FOXP2: variants seen among roughly 807,000 people sequenced by gnomAD.
The protein encoded by FOXP2 is forkhead box P2, also known as forkhead box protein P2.
Under a neutral mutation model 115.8 loss-of-function variants are expected in FOXP2, and 12 were observed. The ratio of observed to expected loss-of-function variants is 0.10; its 90% CI spans 0.07 to 0.17. The LOEUF (loss-of-function observed/expected upper bound fraction) is 0.17, where lower values mean the gene tolerates loss of function less well. Ranked by LOEUF, FOXP2 falls within the 10% of genes least tolerant of loss-of-function variation. FOXP2 has a pLI of 1.00. For synonymous variants in FOXP2, 328 were observed against 297.7 expected, an observed-to-expected ratio of 1.10 and a Z score of -1.05; for missense variants, 629 against 843.5, an observed-to-expected ratio of 0.75 and a Z score of 3.15.
chr7:114,593,199 A>C (rs1802525803), intron 3 of FOXP2, among the ~76,000 whole-genome samples: 1 of 151,946 alleles, frequency 6.6e-6, no homozygotes, highest in African/African-American at 2.4e-5. Flanking sequence ...CTCTTTTTAA[A>C]ACTTCAGTTT....
At chr7:114,152,969 G>A (rs1441868496) in intron 1 of FOXP2, among the ~76,000 whole-genome samples, 1 of 152,112 alleles carries the variant, frequency 6.6e-6, no homozygotes, top group Non-Finnish European at 1.5e-5. Flanking sequence ...ATGCCTGTGG[G>A]ATCTTAACCT....
At chr7:114,585,776 A>C (rs572043756) in intron 3 of FOXP2, among the ~76,000 whole-genome samples, 1 of 152,166 alleles carries the variant, frequency 6.6e-6, no homozygotes, top group Non-Finnish European at 1.5e-5. Flanking sequence ...CTGAAGTGGG[A>C]GAATCTCTTT....
At chr7:114,532,051 T>C (rs1799166836) in intron 2 of FOXP2, among the ~76,000 whole-genome samples, 1 of 151,928 alleles carries the variant, frequency 6.6e-6, no homozygotes, top group South Asian at 2.1e-4. Context: ...TTCAATCAAC[T>C]CATCCTAGTA....
intron 1 of FOXP2, among the ~76,000 whole-genome samples, chr7:114,155,261 A>T (rs780010395): frequency 1.5e-4 from 23 of 152,066 alleles, no homozygotes; most frequent in Non-Finnish European, 2.8e-4. Context: ...CCATGATGGG[A>T]AGGGGGATCA....
intron 1 of FOXP2, among the ~76,000 whole-genome samples, chr7:114,116,109 T>C (rs1791401061): frequency 6.6e-6 from 1 of 152,174 alleles, no homozygotes; most frequent in South Asian, 2.1e-4. Context: ...GTAGCTCATG[T>C]AAAACCTGGA....
At chr7:114,655,083 C>T (rs757205930) in intron 10 of FOXP2, among the ~76,000 whole-genome samples, 5 of 152,072 alleles carry the variant, frequency 3.3e-5, no homozygotes, top group Non-Finnish European at 5.9e-5. Flanking sequence ...TTGAATCTGA[C>T]ATACTACTTT....
chr7:114,223,824 T>C (rs1372155343), intron 1 of FOXP2, among the ~76,000 whole-genome samples: 1 of 151,786 alleles, frequency 6.6e-6, no homozygotes, highest in African/African-American at 2.4e-5. Flanking sequence ...AATTTAATTT[T>C]AATTTAGTTT....
chr7:114,616,453 A>G lies in FOXP2; in HGVS notation c.259-12087A>G, dbSNP rs184817697. Among the ~76,000 whole-genome samples the G allele has an allele frequency of 2.4e-3, 360 of 152,242 alleles. 1 individual carries two copies. Among genetic ancestry groups the G allele is most frequent in the African/African-American group, 7.9e-3 (327 of 41,546 alleles). ...GCTGGGATTACAGATGTGAGCCACCATGCCTGGCCTACAATAGGTGATTAA... is the reference window on the plus strand; with the variant it reads ...GCTGGGATTACAGATGTGAGCCACCGTGCCTGGCCTACAATAGGTGATTAA... On this transcript the variant is annotated intron_variant, in intron 3 of 16. Coordinates refer to ENST00000350908, the MANE Select transcript of FOXP2 (RefSeq NM_014491.4).
chr7:114,663,540 T>C, intron 15 of FOXP2, 21 bp downstream of exon 15: 1 of 1,597,698 alleles, frequency 6.3e-7, no homozygotes, highest in South Asian at 1.1e-5. Context: ...TTCCCAGTTT[T>C]GTTGTATTTG....
intron 1 of FOXP2, among the ~76,000 whole-genome samples, chr7:114,229,931 T>TA (rs944758207): frequency 4.0e-5 from 6 of 151,528 alleles, no homozygotes; most frequent in African/African-American, 7.3e-5. Flanking sequence ...AAAAGCAATT[T>TA]AAAAAAATCA....
intron 2 of FOXP2, among the ~76,000 whole-genome samples, chr7:114,517,107 T>C (rs1430206839): frequency 6.6e-6 from 1 of 152,170 alleles, no homozygotes; most frequent in East Asian, 1.9e-4. Flanking sequence ...ATGAGTGATG[T>C]TGAGCATTTT....
chr7:114,259,527 C>T (rs1795695607), intron 1 of FOXP2, among the ~76,000 whole-genome samples: 1 of 152,054 alleles, frequency 6.6e-6, no homozygotes. Flanking sequence ...TCTTATTAGC[C>T]GTTGTTTACA....
chr7:114,539,207 G>T (rs1407386041), intron 3 of FOXP2, among the ~76,000 whole-genome samples: 1 of 151,800 alleles, frequency 6.6e-6, no homozygotes, highest in East Asian at 1.9e-4. Flanking sequence ...TTTATAATTT[G>T]TAAAATATTC....
upstream of FOXP2, among the ~76,000 whole-genome samples, chr7:114,158,321 A>G (rs114640864): frequency 2.8e-3 from 425 of 152,202 alleles, 4 homozygotes; most frequent in African/African-American, 9.7e-3. Context: ...GGAGTGGTCC[A>G]TGTCCTTTAC....
At chr7:114,097,735 T>A (rs1386167398) in intron 1 of FOXP2, among the ~76,000 whole-genome samples, 2 of 152,208 alleles carry the variant, frequency 1.3e-5, no homozygotes, top group Non-Finnish European at 2.9e-5. Flanking sequence ...AGGTGTTTGT[T>A]TTTCAAGTCA....
At chr7:114,215,118 G>A (rs940630648) in intron 1 of FOXP2, among the ~76,000 whole-genome samples, 1 of 152,068 alleles carries the variant, frequency 6.6e-6, no homozygotes, top group Non-Finnish European at 1.5e-5. Context: ...TATTATTAAT[G>A]TGAATCCTTA....
At chr7:114,382,960 A>G (rs989959324) in intron 2 of FOXP2, among the ~76,000 whole-genome samples, 2 of 152,142 alleles carry the variant, frequency 1.3e-5, no homozygotes, top group African/African-American at 4.8e-5. Flanking sequence ...CTGCGGCACC[A>G]ATCTCCATGT....
chr7:114,653,042 GA>G (rs542504397), intron 9 of FOXP2, among the ~76,000 whole-genome samples: 67 of 152,136 alleles, frequency 4.4e-4, no homozygotes, highest in African/African-American at 1.6e-3. Flanking sequence ...TTTTCTCAAT[GA>G]AACTAATACT....
At chr7:114,281,571 TTCCATTTTACTATTAC>T (rs1433317799) in intron 1 of FOXP2, among the ~76,000 whole-genome samples, 3 of 152,192 alleles carry the variant, frequency 2.0e-5, no homozygotes, top group African/African-American at 7.2e-5. Context: ...GCTTGCTAAC[TTCCATTTTACTATTAC>T]TCTTACTAGC....
Sources: gnomAD v4.1 joint callset for allele counts (sites outside exome capture counted in the v4.1 genomes callset) on GRCh38, gnomAD v4.1.1 for gene constraint, MANE v1.5 for transcripts, NCBI Gene and HGNC (gene_info 2026-07-23, HGNC 2026-07-21) for gene names.